RTTN: variants seen among roughly 807,000 people sequenced by gnomAD.
RTTN encodes rotatin.
In RTTN, 182 loss-of-function variants were observed where a neutral mutation model predicts 269.2. That is an observed-to-expected ratio of 0.68 (90% CI 0.60 to 0.76). The LOEUF (loss-of-function observed/expected upper bound fraction) is 0.76. RTTN is among the 30% of genes least tolerant of loss of function. The pLI is 0.00. For missense variants in RTTN, 2,545 were observed against 2,608.6 expected, an observed-to-expected ratio of 0.98 and a Z score of 0.53; for synonymous variants, 1,006 against 963.5, an observed-to-expected ratio of 1.04 and a Z score of -0.82.
At chr18:70,192,441 G>A (rs143414055) in intron 8 of RTTN, among the ~76,000 whole-genome samples, 31 of 152,264 alleles carry the variant, frequency 2.0e-4, no homozygotes, top group African/African-American at 5.5e-4. Context: ...AGCACTTTAC[G>A]AGGCCAAGAT....
intron 35 of RTTN, 146 bp from the exon 36 acceptor site, chr18:70,060,188 G>C (rs902111528): frequency 1.4e-6 from 1 of 716,728 alleles, no homozygotes. Flanking sequence ...TCTTAACCTT[G>C]AGGTTAGGGG....
chr18:70,064,690 G>C (rs566907404), intron 35 of RTTN, among the ~76,000 whole-genome samples: 1 of 152,298 alleles, frequency 6.6e-6, no homozygotes, highest in South Asian at 2.1e-4. Context: ...GAATGGGGGA[G>C]ACAGGGAGTG....
At chr18:70,044,833 T>C (rs185033026) in intron 40 of RTTN, among the ~76,000 whole-genome samples, 26 of 152,288 alleles carry the variant, frequency 1.7e-4, no homozygotes, top group Admixed American at 1.4e-3. Flanking sequence ...CAGAGCATAT[T>C]TCATCATACT....
At chr18:70,096,389 T>C (rs968438201) in intron 28 of RTTN, among the ~76,000 whole-genome samples, 3 of 152,252 alleles carry the variant, frequency 2.0e-5, no homozygotes, top group Admixed American at 1.3e-4. Flanking sequence ...TTCTGGTTTT[T>C]GGAACTTTCC....
chr18:70,012,275 C>T (rs1157573896), intron 46 of RTTN, among the ~76,000 whole-genome samples: 3 of 149,234 alleles, frequency 2.0e-5, no homozygotes, highest in African/African-American at 7.4e-5. Context: ...TAGAGGGCAG[C>T]ATCTGCTCAC....
chr18:70,180,086 C>T (rs1271045588), intron 10 of RTTN, among the ~76,000 whole-genome samples: 2 of 152,036 alleles, frequency 1.3e-5, no homozygotes, highest in African/African-American at 4.8e-5. Flanking sequence ...GCCTCTTTGT[C>T]ATGGCTCATG....
intron 27 of RTTN, among the ~76,000 whole-genome samples, chr18:70,112,060 T>C (rs1298737192): frequency 6.6e-6 from 1 of 152,120 alleles, no homozygotes. Context: ...AAACTAAGCT[T>C]CATAAGCAAA....
At position 70,204,112 on chromosome 18, in the gene RTTN, G is replaced by A; in HGVS notation, c.371C>T (p.Ser124Phe). Residue 124 changes from serine to phenylalanine, a missense_variant, in exon 3 of 49, where the codon TCT becomes TTT. Ser to Phe is a radical substitution (Grantham distance 155, BLOSUM62 -2). Transcript: ENST00000640769. ...AGTTTGATTGGTTTGGTATGAGGCA[G>A]AAGATAGTGCAGGAACTTCCGAAGG... ...LLPSEVPALS[S>F]ASYQTNQTEL... The A allele has an allele frequency of 6.2e-7, 1 of 1,613,330 alleles. No homozygotes were observed. The highest frequency in any genetic ancestry group is 8.5e-7 in the Non-Finnish European group (1 of 1,179,430).
intron 43 of RTTN, 64 bp downstream of exon 43, chr18:70,028,660 C>A: frequency 3.2e-6 from 3 of 925,074 alleles, no homozygotes; most frequent in East Asian, 2.5e-5. Context: ...CATTATCTCA[C>A]ATAAAAATTA....
chr18:70,031,676 A>G (rs2057015941), intron 40 of RTTN, among the ~76,000 whole-genome samples: 1 of 151,408 alleles, frequency 6.6e-6, no homozygotes. Flanking sequence ...TTAAAAATCA[A>G]AACTAGAAAT....
At chr18:70,176,893 G>C (rs927778135) in intron 10 of RTTN, 48 bp from the exon 11 acceptor site, 3 of 1,485,066 alleles carry the variant, frequency 2.0e-6, no homozygotes, top group Non-Finnish European at 2.8e-6. Flanking sequence ...ACCAATTTTA[G>C]GGGCCAGTAT....
intron 44 of RTTN, among the ~76,000 whole-genome samples, chr18:70,023,275 G>C (rs941653978): frequency 6.6e-6 from 1 of 152,028 alleles, no homozygotes; most frequent in South Asian, 2.1e-4. Flanking sequence ...CACAGAAGCC[G>C]TGGCATAATG....
intron 32 of RTTN, 45 bp downstream of exon 32, chr18:70,086,568 A>T: frequency 1.4e-6 from 2 of 1,379,772 alleles, no homozygotes; most frequent in Non-Finnish European, 2.0e-6. Flanking sequence ...ATCACCAATT[A>T]ATTTGAAACA....
intron 45 of RTTN, among the ~76,000 whole-genome samples, chr18:70,018,622 G>A (rs1207434057): frequency 2.0e-5 from 3 of 152,114 alleles, no homozygotes; most frequent in Non-Finnish European, 2.9e-5. Flanking sequence ...AGAATGAAAT[G>A]AGCTACAGAA....
intron 44 of RTTN, among the ~76,000 whole-genome samples, chr18:70,022,958 A>AT (rs2056748378): frequency 6.6e-6 from 1 of 152,136 alleles, no homozygotes; most frequent in African/African-American, 2.4e-5. Context: ...TACAATCTAC[A>AT]TGACAATGAC....
chr18:70,161,454 A>T (rs528617581), intron 14 of RTTN, among the ~76,000 whole-genome samples: 3 of 152,320 alleles, frequency 2.0e-5, no homozygotes, highest in Admixed American at 2.0e-4. Context: ...TCTCCAAAAA[A>T]AGCAATTGCA....
chr18:70,017,422 T>G lies in RTTN; in HGVS notation c.6406A>C (p.Lys2136Gln). 6.2e-7 allele frequency: 1 copy of G among 1,613,894 alleles called. No individual in the cohort carries two copies. Residue 2136 changes from lysine to glutamine, a missense_variant, in exon 46 of 49, where the codon AAG (lysine) becomes CAG (glutamine). By Grantham distance (53) the Lys-to-Gln change is moderately conservative. Coordinates refer to ENST00000640769, the MANE Select transcript of RTTN (RefSeq NM_173630.4). ...NVCFSPANKP[K>Q]ILANEKVITV... The stretch of plus-strand genomic sequence containing the variant: ...GAAAACTTACCATTAGCCAGGATCT[T>G]GGGTTTATTTGCAGGACTGAAGCAA...
chr18:70,103,862 T>C (rs2059247950), intron 28 of RTTN, among the ~76,000 whole-genome samples: 1 of 152,100 alleles, frequency 6.6e-6, no homozygotes, highest in African/African-American at 2.4e-5. Context: ...GATCCGCTGT[T>C]AGTCTGACGG....
chr18:70,143,615 G>T (rs952896649), intron 18 of RTTN, among the ~76,000 whole-genome samples: 1 of 152,014 alleles, frequency 6.6e-6, no homozygotes, highest in East Asian at 1.9e-4. Context: ...GGTAGGAGGC[G>T]GGAGAGGATC....
Sources: allele counts gnomAD v4.1 joint callset (sites outside exome capture counted in the v4.1 genomes callset), GRCh38; gene constraint gnomAD v4.1.1; transcripts MANE v1.5; gene names NCBI Gene and HGNC (gene_info 2026-07-23, HGNC 2026-07-21).